The following GEN1 variants were observed in gnomAD, a reference collection of about 807,000 sequenced individuals.
GEN1 encodes the protein GEN1 structure-specific endonuclease.
A neutral mutation model predicts 67.6 loss-of-function variants in GEN1; 64 were observed. The ratio of observed to expected loss-of-function variants is 0.95; its 90% CI spans 0.77 to 1.17. The LOEUF (loss-of-function observed/expected upper bound fraction) is 1.17. Among genes scored for constraint, GEN1 ranks in the 50% most tolerant of loss-of-function variants. The pLI is 0.00. For missense variants in GEN1, 1,058 were observed against 1,048.3 expected (o/e 1.01, Z -0.13); for synonymous variants, 371 against 359.4 (o/e 1.03, Z -0.37).
At chr2:17,780,539 T>G in intron 13 of GEN1, 82 bp from the exon 14 acceptor site, 3 of 909,038 alleles carry the variant, frequency 3.3e-6, no homozygotes, top group Non-Finnish European at 5.0e-6. Context: ...GATTTCTCTC[T>G]GAACTGTTTA....
chr2:17,766,800 A>G (rs1038564248), intron 5 of GEN1, 111 bp downstream of exon 5: 7 of 580,554 alleles, frequency 1.2e-5, no homozygotes, highest in South Asian at 8.2e-5. Context: ...CGAATTTAAA[A>G]TATAATTTCA....
chr2:17,772,595 A>C (rs766134831), intron 7 of GEN1, 39 bp from the exon 8 acceptor site: 1 of 1,555,342 alleles, frequency 6.4e-7, no homozygotes, highest in South Asian at 1.2e-5. Flanking sequence ...TAATTATAAA[A>C]GGCAAAAAAT....
At chr2:17,755,224 T>A (rs1671361868) in intron 1 of GEN1, 1 of 152,172 alleles carries the variant, frequency 6.6e-6, no homozygotes, top group Non-Finnish European at 1.5e-5. Flanking sequence ...GGAAACACGG[T>A]TGGGAGGTCC....
intron 4 of GEN1, among the ~76,000 whole-genome samples, chr2:17,766,167 A>T (rs902790144): frequency 2.6e-5 from 4 of 152,230 alleles, no homozygotes; most frequent in Admixed American, 6.5e-5. Flanking sequence ...TGGAATAATT[A>T]AACTTTTTTT....
rs1321830629 is a variant in GEN1 at position 17,782,393 on chromosome 2, G to A, written c.*454G>A. The A allele has an allele frequency of 6.6e-6, 1 of 152,582 alleles. No individual in the cohort carries two copies. The highest frequency in any genetic ancestry group is 1.9e-4 in the East Asian group (1 of 5,194). 9.5% of individuals were successfully genotyped at this position (152,582 alleles called of 1,614,324 possible). On this transcript the variant is annotated 3_prime_UTR_variant, in exon 14 of 14. Coordinates refer to ENST00000381254, the MANE Select transcript of GEN1 (RefSeq NM_001130009.3). ...AAGCTATTTTCTCCCTCAGTGTGAA[G>A]ATACCTTTAGTGTGCTCTTCCACTT...
chr2:17,782,079 T>C lies in GEN1; in HGVS notation c.*140T>C, dbSNP rs980605006. 9 of 540,072 alleles carry C rather than the reference T, an allele frequency of 1.7e-5. No homozygotes were observed. In the Admixed American group the frequency reaches 1.8e-4, roughly 11 times the overall value. The allele number at this position is 540,072 out of a possible 1,614,324, so 33.5% of individuals were successfully genotyped here. ...AAACACTTGCCATTTTAATCAAAGTTGTAATTTTTAAAAAGTCACCTAAAA... is the reference window on the plus strand; with the variant it reads ...AAACACTTGCCATTTTAATCAAAGTCGTAATTTTTAAAAAGTCACCTAAAA... On this transcript the variant is annotated 3_prime_UTR_variant, in exon 14 of 14. Coordinates refer to ENST00000381254, the MANE Select transcript of GEN1 (RefSeq NM_001130009.3).
At chr2:17,762,358 C>G (rs1194569715) in intron 3 of GEN1, among the ~76,000 whole-genome samples, 1 of 151,458 alleles carries the variant, frequency 6.6e-6, no homozygotes, top group South Asian at 2.1e-4. Flanking sequence ...CCCGCCACCA[C>G]ACCTGGCTAA....
chr2:17,760,202 CTTTTACA>C (rs1403591430), intron 2 of GEN1, 98 bp downstream of exon 2: 1 of 1,183,402 alleles, frequency 8.5e-7, no homozygotes, highest in East Asian at 2.5e-5. Context: ...TGTTGTTATT[CTTTTACA>C]TTTTGAGGTT....
intron 2 of GEN1, 28 bp from the exon 3 acceptor site, chr2:17,761,368 T>C (rs202011009): frequency 2.4e-6 from 3 of 1,247,498 alleles, no homozygotes; most frequent in Non-Finnish European, 3.5e-6. Flanking sequence ...GTTTGATGAT[T>C]AATGTATTAC....
chr2:17,762,504 GCCTTTTTTGTCTGTT>G (rs1305740043), intron 3 of GEN1, among the ~76,000 whole-genome samples: 6 of 152,042 alleles, frequency 3.9e-5, no homozygotes, highest in African/African-American at 1.4e-4. Flanking sequence ...CCTGTGCCTG[GCCTTTTTTGTCTGTT>G]TTCAAATGTG....
In GEN1 at chr2:17,786,989, T is replaced by C. The variant is rs1291004762; in HGVS notation, c.*5050T>C. On this transcript the variant is annotated 3_prime_UTR_variant, in exon 14 of 14. Coordinates refer to ENST00000381254, the MANE Select transcript of GEN1 (RefSeq NM_001130009.3). ...GCTGAGGCAGCCTGGCCCCAACTTG[T>C]CTCTTCAGCTTCATGCATTCATAGT... The C allele has an allele frequency of 2.0e-5, 3 of 152,194 alleles. No homozygotes were observed. In the East Asian group the frequency reaches 5.8e-4, roughly 29 times the overall value. The allele number at this position is 152,194 out of a possible 1,614,324, so 9.4% of individuals were successfully genotyped here.
chr2:17,773,171 T>C lies in GEN1; in HGVS notation c.990+39T>C, dbSNP rs767758927. The C allele has an allele frequency of 1.2e-5, 18 of 1,563,392 alleles. 1 individual carries two copies. The highest frequency in any genetic ancestry group is 2.2e-4 in the Middle Eastern group (1 of 4,594). On this transcript the variant is annotated intron_variant, in intron 9 of 13. Coordinates refer to ENST00000381254, the MANE Select transcript of GEN1 (RefSeq NM_001130009.3). ...ATTCAACTCTATTAATTTTAGAAAC[T>C]TTCTTAAAAGTTTAAATCTCAGTTT... is the stretch of plus-strand genomic sequence containing the variant.
chr2:17,770,349 A>G (rs1672124536), intron 6 of GEN1, among the ~76,000 whole-genome samples: 1 of 152,140 alleles, frequency 6.6e-6, no homozygotes, highest in Admixed American at 6.5e-5. Flanking sequence ...GAAGCAATTA[A>G]TGCTAATTTT....
chr2:17,760,153 T>TG (rs772656068), intron 2 of GEN1, 49 bp downstream of exon 2: 1 of 1,521,974 alleles, frequency 6.6e-7, no homozygotes, highest in South Asian at 1.2e-5. Context: ...TAAACAGTCT[T>TG]GGTATCTTGA....
In GEN1 at chr2:17,772,720, C is replaced by T. The variant is rs756019387; in HGVS notation, c.889C>T (p.Pro297Ser). The T allele has an allele frequency of 2.5e-6, 4 of 1,611,610 alleles. No homozygotes were observed. In the South Asian group the frequency reaches 4.4e-5, roughly 18 times the overall value. The change falls in exon 8 of 14, where the codon CCT (proline) becomes TCT (serine). Residue 297 changes from proline (P) to serine (S), a missense_variant. Coordinates refer to ENST00000381254, the MANE Select transcript of GEN1 (RefSeq NM_001130009.3). ...CEPHDYEYCC[P>S]CEWHRTEHDR... is the part of the protein sequence containing the mutation. ...GCCACATGACTATGAATACTGCTGT[C>T]CTTGTGAGTGGCACCGTACAGAACA...
At chr2:17,780,334 C>T (rs61041088) in intron 13 of GEN1, among the ~76,000 whole-genome samples, 1 of 152,154 alleles carries the variant, frequency 6.6e-6, no homozygotes, top group Non-Finnish European at 1.5e-5. Flanking sequence ...AACTTAGACA[C>T]GTGTTAATAA....
intron 11 of GEN1, among the ~76,000 whole-genome samples, chr2:17,776,901 G>A (rs1386181288): frequency 6.6e-6 from 1 of 152,306 alleles, no homozygotes; most frequent in East Asian, 1.9e-4. Flanking sequence ...AAAGCAGGCG[G>A]ATCAGTTGAG....
chr2:17,756,931 G>C (rs1671457642), intron 1 of GEN1, among the ~76,000 whole-genome samples: 1 of 152,176 alleles, frequency 6.6e-6, no homozygotes, highest in Non-Finnish European at 1.5e-5. Flanking sequence ...CACTTCCGCG[G>C]AACAGCTGGT....
chr2:17,781,966 A>G lies in GEN1; in HGVS notation c.*27A>G, dbSNP rs753870048. The G allele has an allele frequency of 1.1e-5, 14 of 1,283,574 alleles. No homozygotes were observed. Among genetic ancestry groups the G allele is most frequent in the Non-Finnish European group, 1.5e-5 (14 of 922,730 alleles). 79.5% of individuals were successfully genotyped at this position (1,283,574 alleles called of 1,614,324 possible). A position where few individuals can be genotyped will look rare whatever the true frequency, so the allele number is the denominator to read the frequency against. ...ATTTAAAACACTTAGGTATAACTTA[A>G]CTATTTTAGTACTATCAGCAATAGC... is the stretch of plus-strand genomic sequence containing the variant. On this transcript the variant is annotated 3_prime_UTR_variant, in exon 14 of 14. Transcript: ENST00000381254.
Sources: allele counts gnomAD v4.1 joint callset (sites outside exome capture counted in the v4.1 genomes callset), GRCh38; gene constraint gnomAD v4.1.1; transcripts MANE v1.5; gene names NCBI Gene and HGNC (gene_info 2026-07-23, HGNC 2026-07-21).